The following PRKACB variants were observed in gnomAD, a reference collection of about 807,000 sequenced individuals.
The protein encoded by PRKACB is protein kinase cAMP-activated catalytic subunit beta, also known as cAMP-dependent protein kinase catalytic subunit beta.
PRKACB carries 16 observed loss-of-function variants against 51.4 expected under a neutral mutation model. The observed-to-expected ratio is 0.31, with a 90% confidence interval of 0.21 to 0.47. The LOEUF (loss-of-function observed/expected upper bound fraction) is 0.47, where lower values mean the gene tolerates loss of function less well. Ranked by LOEUF, PRKACB falls within the 20% of genes least tolerant of loss-of-function variation. The pLI is 1.00. For missense variants in PRKACB, 309 were observed against 464.5 expected (o/e 0.67, Z 3.08); for synonymous variants, 147 against 154.4 (o/e 0.95, Z 0.35).
intron 1 of PRKACB, among the ~76,000 whole-genome samples, chr1:84,125,970 C>G (rs6698975): frequency 0.021 from 3,142 of 152,046 alleles, 116 homozygotes; most frequent in African/African-American, 0.072. Context: ...CAGCTCTCAT[C>G]CCCTCACGGG....
At chr1:84,212,735 C>T (rs2134647) in intron 8 of PRKACB, among the ~76,000 whole-genome samples, 69,045 of 151,858 alleles carry the variant, frequency 0.45, 16,796 homozygotes, top group Non-Finnish European at 0.56. Flanking sequence ...AAATCAGAGA[C>T]TTGCCAGGTT....
At chr1:84,172,049 T>TA (rs1020601475) in intron 1 of PRKACB, among the ~76,000 whole-genome samples, 13 of 151,652 alleles carry the variant, frequency 8.6e-5, no homozygotes, top group African/African-American at 3.1e-4. Flanking sequence ...CATGATTTTT[T>TA]ATACTCATTA....
intron 1 of PRKACB, among the ~76,000 whole-genome samples, chr1:84,138,235 C>G (rs1298878396): frequency 6.6e-6 from 1 of 152,126 alleles, no homozygotes; most frequent in Non-Finnish European, 1.5e-5. Flanking sequence ...TACACACATG[C>G]ACACATACAC....
At chr1:84,195,536 A>G (rs891593728) in intron 5 of PRKACB, among the ~76,000 whole-genome samples, 3 of 152,226 alleles carry the variant, frequency 2.0e-5, no homozygotes, top group Non-Finnish European at 4.4e-5. Flanking sequence ...AAGATAAATT[A>G]GAAACTCAGA....
chr1:84,157,648 A>G (rs767291762), intron 1 of PRKACB, among the ~76,000 whole-genome samples: 3 of 152,304 alleles, frequency 2.0e-5, no homozygotes, highest in Non-Finnish European at 1.5e-5. Context: ...ATTGAATTAT[A>G]TAATATGTTA....
chr1:84,187,840 A>AT (rs1489719190), intron 5 of PRKACB, among the ~76,000 whole-genome samples: 2 of 152,114 alleles, frequency 1.3e-5, no homozygotes, highest in East Asian at 3.9e-4. Flanking sequence ...GCAGTCTTAG[A>AT]TTTTCCTTAC....
chr1:84,169,200 G>A (rs1227151982), intron 1 of PRKACB, among the ~76,000 whole-genome samples: 1 of 151,624 alleles, frequency 6.6e-6, no homozygotes, highest in Non-Finnish European at 1.5e-5. Flanking sequence ...TCTCCAAGAG[G>A]TAGAGAATGA....
chr1:84,159,451 T>C (rs1655914708), intron 1 of PRKACB, among the ~76,000 whole-genome samples: 1 of 152,138 alleles, frequency 6.6e-6, no homozygotes, highest in Non-Finnish European at 1.5e-5. Flanking sequence ...TATATTGATC[T>C]TATATCATCC....
At chr1:84,173,639 A>G (rs1272613574) in intron 1 of PRKACB, among the ~76,000 whole-genome samples, 1 of 151,796 alleles carries the variant, frequency 6.6e-6, no homozygotes, top group Admixed American at 6.6e-5. Context: ...TTATTTAATG[A>G]TAGAACTTGG....
chr1:84,195,204 A>G (rs1310188116), intron 5 of PRKACB, among the ~76,000 whole-genome samples: 1 of 152,216 alleles, frequency 6.6e-6, no homozygotes, highest in Non-Finnish European at 1.5e-5. Flanking sequence ...GTCATTTGGC[A>G]TACAATGTGG....
At chr1:84,234,975 T>C (rs1676501179) in intron 9 of PRKACB, among the ~76,000 whole-genome samples, 1 of 152,220 alleles carries the variant, frequency 6.6e-6, no homozygotes, top group African/African-American at 2.4e-5. Context: ...TTTGTTGACC[T>C]GCATACTTCC....
At chr1:84,175,781 T>A in intron 1 of PRKACB, 1 of 1,571,788 alleles carries the variant, frequency 6.4e-7, no homozygotes, top group Non-Finnish European at 8.6e-7. Context: ...TGCAAACAAA[T>A]CTTGGGTGAA....
At chr1:84,181,679 C>G in intron 2 of PRKACB, 1 of 1,520,382 alleles carries the variant, frequency 6.6e-7, no homozygotes, top group East Asian at 2.5e-5. Context: ...CTATCTAGTT[C>G]TATAAGCTTA....
rs1664410001 is a variant in PRKACB at position 84,184,150 on chromosome 1, T to G, written c.477+15T>G. On this transcript the variant is annotated intron_variant, in intron 4 of 9. Coordinates refer to ENST00000370685, the MANE Select transcript of PRKACB (RefSeq NM_182948.4). Reference sequence around the variant, plus strand: ...ATGCTTTTAAGGTAAATTTTAGTAATATCTAAATAAGATATTTTCAACCTA... The same window carrying G: ...ATGCTTTTAAGGTAAATTTTAGTAAGATCTAAATAAGATATTTTCAACCTA... The G allele has an allele frequency of 1.3e-6, 2 of 1,577,386 alleles. No homozygotes were observed. Among genetic ancestry groups the G allele is most frequent in the East Asian group, 4.5e-5 (2 of 44,116 alleles).
chr1:84,081,716 A>G (rs1647550454), intron 1 of PRKACB, among the ~76,000 whole-genome samples: 1 of 152,072 alleles, frequency 6.6e-6, no homozygotes, highest in South Asian at 2.1e-4. Context: ...AGGGGTTTTT[A>G]TTTATTTCAT....
chr1:84,141,644 G>A (rs150119786), upstream of PRKACB, among the ~76,000 whole-genome samples: 1 of 152,158 alleles, frequency 6.6e-6, no homozygotes, highest in Non-Finnish European at 1.5e-5. Flanking sequence ...CTTATGCATT[G>A]TTTTAAATAA....
intron 2 of PRKACB, among the ~76,000 whole-genome samples, chr1:84,180,206 A>ATATATATATATATATATATATATATG (rs1553173784): frequency 1.6e-5 from 2 of 127,140 alleles, no homozygotes; most frequent in African/African-American, 5.5e-5. Context: ...ATATATATAT[A>ATATATATATATATATATATATATATG]TATGTATGAT....
chr1:84,193,483 G>A (rs569445128), intron 5 of PRKACB, among the ~76,000 whole-genome samples: 8 of 152,286 alleles, frequency 5.3e-5, no homozygotes, highest in Non-Finnish European at 1.2e-4. Flanking sequence ...GTGGTCTTTG[G>A]TGTGACTGAA....
chr1:84,181,771 C>A (rs1663571195), intron 2 of PRKACB: 3 of 1,374,954 alleles, frequency 2.2e-6, no homozygotes, highest in Non-Finnish European at 2.9e-6. Context: ...TTTATCTATT[C>A]ATTACAGTTA....
Sources: allele counts gnomAD v4.1 joint callset (sites outside exome capture counted in the v4.1 genomes callset), GRCh38; gene constraint gnomAD v4.1.1; transcripts MANE v1.5; gene names NCBI Gene and HGNC (gene_info 2026-07-23, HGNC 2026-07-21).